Variants in LRGUK observed in about 807,000 individuals in gnomAD.
LRGUK encodes leucine-rich repeat and guanylate kinase domain-containing protein.
In LRGUK, 65 loss-of-function variants were observed where a neutral mutation model predicts 76.0. That is an observed-to-expected ratio of 0.85 (90% CI 0.70 to 1.05). LRGUK has a LOEUF of 1.05. Ranked by LOEUF, LRGUK falls within the 50% of genes least tolerant of loss-of-function variation. The pLI, the probability that LRGUK is intolerant of heterozygous loss-of-function variation, is 0.00. For synonymous variants in LRGUK, 268 were observed against 265.6 expected (o/e 1.01, Z -0.09); for missense variants, 758 against 732.8 (o/e 1.03, Z -0.40).
At chr7:134,224,015 G>A (rs917821680) in intron 16 of LRGUK, among the ~76,000 whole-genome samples, 7 of 152,160 alleles carry the variant, frequency 4.6e-5, no homozygotes, top group Non-Finnish European at 8.8e-5. Context: ...CTCTGCATGA[G>A]GAACCTATCA....
intron 16 of LRGUK, among the ~76,000 whole-genome samples, chr7:134,225,535 T>A (rs1023675896): frequency 6.6e-5 from 10 of 151,852 alleles, no homozygotes; most frequent in South Asian, 2.1e-4. Flanking sequence ...TGCTAGTAGT[T>A]TAGGTGGAAA....
intron 16 of LRGUK, among the ~76,000 whole-genome samples, chr7:134,226,436 G>A (rs955384006): frequency 1.3e-5 from 2 of 152,172 alleles, no homozygotes; most frequent in African/African-American, 4.8e-5. Flanking sequence ...TGACATGTGT[G>A]TAAGTTGTGA....
chr7:134,235,683 T>C (rs747338851), intron 16 of LRGUK, among the ~76,000 whole-genome samples: 1 of 152,234 alleles, frequency 6.6e-6, no homozygotes, highest in Non-Finnish European at 1.5e-5. Context: ...GTATTCATTA[T>C]TTTATACGAT....
chr7:134,223,302 G>A (rs1801650184), intron 16 of LRGUK, among the ~76,000 whole-genome samples: 1 of 152,136 alleles, frequency 6.6e-6, no homozygotes, highest in African/African-American at 2.4e-5. Flanking sequence ...GAAGGCAGGA[G>A]AATCTACCCA....
chr7:134,214,395 T>C (rs1801377432), downstream of LRGUK, among the ~76,000 whole-genome samples: 1 of 152,202 alleles, frequency 6.6e-6, no homozygotes, highest in South Asian at 2.1e-4. Context: ...ATCTTCAGTC[T>C]AGTAATTCGA....
chr7:134,225,236 TA>T (rs1222302669), intron 16 of LRGUK, among the ~76,000 whole-genome samples: 1 of 149,408 alleles, frequency 6.7e-6, no homozygotes, highest in Non-Finnish European at 1.5e-5. Context: ...GAGGAGAGGA[TA>T]AAAAGGCAGT....
At chr7:134,206,861 G>A (rs867469107) in intron 15 of LRGUK, among the ~76,000 whole-genome samples, 1 of 152,090 alleles carries the variant, frequency 6.6e-6, no homozygotes, top group Non-Finnish European at 1.5e-5. Flanking sequence ...AAATAAAATT[G>A]TATTTGCAAA....
intron 1 of LRGUK, among the ~76,000 whole-genome samples, chr7:134,132,965 G>C (rs931367674): frequency 1.3e-5 from 2 of 152,216 alleles, no homozygotes; most frequent in Non-Finnish European, 2.9e-5. Context: ...AGATGGGCTA[G>C]TCAAGAAGGG....
At chr7:134,199,240 T>C (rs1563177883) in exon 14 of LRGUK, 2 of 1,613,704 alleles carry the variant, frequency 1.2e-6, no homozygotes, top group Admixed American at 1.7e-5. Context: ...GTTTGAAATA[T>C]TCCTATTTTG....
At chr7:134,221,728 G>A in intron 15 of LRGUK, 51 bp from the exon 16 acceptor site, 1 of 1,380,510 alleles carries the variant, frequency 7.2e-7, no homozygotes, top group Non-Finnish European at 9.5e-7. Context: ...TATCACTTCA[G>A]AAATTTCCTT....
At chr7:134,160,074 T>C (rs138448455) in intron 6 of LRGUK, among the ~76,000 whole-genome samples, 2 of 152,260 alleles carry the variant, frequency 1.3e-5, no homozygotes, top group African/African-American at 4.8e-5. Context: ...CATTTTGTGG[T>C]CTGTTAGAAT....
At chr7:134,187,277 T>C (rs1180858371) in intron 11 of LRGUK, among the ~76,000 whole-genome samples, 1 of 152,150 alleles carries the variant, frequency 6.6e-6, no homozygotes, top group East Asian at 1.9e-4. Context: ...CAACATAAGT[T>C]TTATTGATTT....
intron 15 of LRGUK, among the ~76,000 whole-genome samples, chr7:134,207,494 GA>G (rs1801057906): frequency 6.6e-6 from 1 of 152,196 alleles, no homozygotes. Flanking sequence ...CACCCCCTCA[GA>G]AACTGCACCA....
At chr7:134,251,332 A>G (rs912030103) in intron 18 of LRGUK, among the ~76,000 whole-genome samples, 38 of 152,316 alleles carry the variant, frequency 2.5e-4, no homozygotes, top group African/African-American at 9.1e-4. Context: ...GTGATGGGGC[A>G]GAAGACAAGG....
At chr7:134,128,158 T>G (rs939964386) in intron 1 of LRGUK, among the ~76,000 whole-genome samples, 2 of 150,062 alleles carry the variant, frequency 1.3e-5, no homozygotes, top group African/African-American at 4.9e-5. Context: ...CTTCAAAGAC[T>G]AAGTGACTTA....
intron 5 of LRGUK, among the ~76,000 whole-genome samples, chr7:134,157,070 G>C (rs962540182): frequency 3.3e-5 from 5 of 152,180 alleles, no homozygotes; most frequent in African/African-American, 1.2e-4. Context: ...TGAAATTGTA[G>C]TGTTAGGTGA....
intron 15 of LRGUK, among the ~76,000 whole-genome samples, chr7:134,219,690 C>T (rs1251702576): frequency 1.3e-5 from 2 of 151,922 alleles, no homozygotes; most frequent in African/African-American, 4.8e-5. Context: ...GTCTCTCTCT[C>T]TCTGTCTCTC....
At chr7:134,209,787 A>G in exon 16 of LRGUK, 2 of 399,804 alleles carry the variant, frequency 5.0e-6, no homozygotes, top group Non-Finnish European at 8.8e-6. Flanking sequence ...CAGCAAGTCC[A>G]GGAAGAGAAG....
At chr7:134,178,669 C>G in intron 10 of LRGUK, 60 bp downstream of exon 10, 1 of 1,329,140 alleles carries the variant, frequency 7.5e-7, no homozygotes, top group Non-Finnish European at 1.1e-6. Context: ...ACAGCCTCAT[C>G]ACTTCCCCTA....
Sources: allele counts gnomAD v4.1 joint callset (sites outside exome capture counted in the v4.1 genomes callset), GRCh38; gene constraint gnomAD v4.1.1; transcripts MANE v1.5; gene names NCBI Gene and HGNC (gene_info 2026-07-23, HGNC 2026-07-21).